Variants in SNTG1 observed in about 807,000 individuals in gnomAD.
SNTG1 encodes the protein gamma-1-syntrophin.
Under a neutral mutation model 74.7 loss-of-function variants are expected in SNTG1, and 39 were observed. That is an observed-to-expected ratio of 0.52 (90% CI 0.40 to 0.68). SNTG1 has a LOEUF of 0.68. Among genes scored for constraint, SNTG1 ranks in the 30% least tolerant of loss-of-function variants. The probability of loss-of-function intolerance (pLI) is 0.00; values close to 1 mark genes in which losing one functional copy is unlikely to be tolerated. For synonymous variants in SNTG1, 254 were observed against 217.1 expected, an observed-to-expected ratio of 1.17 and a Z score of -1.49; for missense variants, 685 against 609.5, an observed-to-expected ratio of 1.12 and a Z score of -1.30.
chr8:50,397,043 T>G (rs1345964219), intron 3 of SNTG1, among the ~76,000 whole-genome samples: 1 of 152,212 alleles, frequency 6.6e-6, no homozygotes, highest in Admixed American at 6.5e-5. Flanking sequence ...TTTAAGCAAA[T>G]AGTCTCCAAT....
intron 8 of SNTG1, among the ~76,000 whole-genome samples, chr8:50,457,431 A>C (rs1376553899): frequency 6.6e-6 from 1 of 152,228 alleles, no homozygotes; most frequent in Non-Finnish European, 1.5e-5. Context: ...CTCTATCAAA[A>C]GACAATTTTA....
intron 1 of SNTG1, among the ~76,000 whole-genome samples, chr8:50,120,057 T>C (rs1413933940): frequency 7.0e-6 from 1 of 141,964 alleles, no homozygotes; most frequent in East Asian, 2.0e-4. Flanking sequence ...GAGTTAAAAA[T>C]GTAGCTTTGC....
At chr8:49,969,675 G>C (rs1326362853) in intron 1 of SNTG1, among the ~76,000 whole-genome samples, 3 of 151,952 alleles carry the variant, frequency 2.0e-5, no homozygotes, top group African/African-American at 7.3e-5. Flanking sequence ...CAGATTACAG[G>C]AGTGAGTCAC....
chr8:50,704,833 G>C, intron 16 of SNTG1, 81 bp downstream of exon 16: 1 of 1,489,384 alleles, frequency 6.7e-7, no homozygotes, highest in Non-Finnish European at 9.1e-7. Context: ...TCATTCCAAA[G>C]TAGTGTAAAA....
At chr8:50,144,630 A>G (rs2081791570) in intron 1 of SNTG1, among the ~76,000 whole-genome samples, 1 of 152,158 alleles carries the variant, frequency 6.6e-6, no homozygotes, top group African/African-American at 2.4e-5. Context: ...AAGCTTCTTC[A>G]GGAATGGGGA....
chr8:50,045,288 T>A (rs1020368216), intron 1 of SNTG1, among the ~76,000 whole-genome samples: 3 of 152,196 alleles, frequency 2.0e-5, no homozygotes, highest in African/African-American at 4.8e-5. Flanking sequence ...GGCTCCAGCA[T>A]CTGCTTCTAG....
intron 1 of SNTG1, among the ~76,000 whole-genome samples, chr8:50,160,711 T>C (rs1266746334): frequency 6.6e-6 from 1 of 152,212 alleles, no homozygotes; most frequent in Non-Finnish European, 1.5e-5. Flanking sequence ...TGCCTTATAA[T>C]GTATCCTATG....
At chr8:50,626,242 T>A (rs1206354253) in intron 13 of SNTG1, among the ~76,000 whole-genome samples, 1 of 152,150 alleles carries the variant, frequency 6.6e-6, no homozygotes, top group Non-Finnish European at 1.5e-5. Flanking sequence ...TTCAAAAGGA[T>A]GATGAGAATA....
At chr8:50,169,852 G>C (rs575849923) in intron 1 of SNTG1, among the ~76,000 whole-genome samples, 136 of 152,242 alleles carry the variant, frequency 8.9e-4, no homozygotes, top group Admixed American at 1.6e-3. Context: ...AAGGCAGGAG[G>C]ATCACTGGAG....
At chr8:50,107,115 C>A (rs893284375) in intron 1 of SNTG1, among the ~76,000 whole-genome samples, 2 of 152,166 alleles carry the variant, frequency 1.3e-5, no homozygotes, top group Admixed American at 6.6e-5. Context: ...ATTTTATTCT[C>A]AAGGAAGGGA....
intron 2 of SNTG1, among the ~76,000 whole-genome samples, chr8:50,253,487 C>T (rs2086735665): frequency 6.6e-6 from 1 of 151,628 alleles, no homozygotes; most frequent in African/African-American, 2.4e-5. Flanking sequence ...GGGTATAAAT[C>T]CAAGGGAAAT....
At chr8:50,610,692 A>C (rs937915841) in intron 13 of SNTG1, among the ~76,000 whole-genome samples, 1 of 152,166 alleles carries the variant, frequency 6.6e-6, no homozygotes, top group African/African-American at 2.4e-5. Context: ...GTTTCGTGTC[A>C]TGTTCATGTG....
chr8:49,951,321 G>C (rs1776271066), intron 1 of SNTG1, among the ~76,000 whole-genome samples: 1 of 152,184 alleles, frequency 6.6e-6, no homozygotes, highest in Non-Finnish European at 1.5e-5. Flanking sequence ...ACAATGCCTA[G>C]TGGCATTTGG....
At chr8:50,290,785 G>T (rs2089054908) in intron 2 of SNTG1, among the ~76,000 whole-genome samples, 1 of 151,926 alleles carries the variant, frequency 6.6e-6, no homozygotes, top group Non-Finnish European at 1.5e-5. Context: ...TTGAGACAGG[G>T]TCTCTGTTTG....
At chr8:50,061,983 A>G (rs985505919) in intron 1 of SNTG1, among the ~76,000 whole-genome samples, 11 of 152,086 alleles carry the variant, frequency 7.2e-5, no homozygotes, top group African/African-American at 2.7e-4. Flanking sequence ...CATCTTCCAT[A>G]TCCTTGCTGA....
chr8:50,000,130 A>G (rs993190774), intron 1 of SNTG1, among the ~76,000 whole-genome samples: 6 of 152,114 alleles, frequency 3.9e-5, no homozygotes, highest in African/African-American at 1.4e-4. Context: ...ACCGTGCCAC[A>G]CTGGTCCAGA....
chr8:50,032,395 T>G (rs1354749150), intron 1 of SNTG1, among the ~76,000 whole-genome samples: 1 of 152,126 alleles, frequency 6.6e-6, no homozygotes, highest in Non-Finnish European at 1.5e-5. Flanking sequence ...AGTTTGAAAT[T>G]TTTCTTTTTC....
chr8:49,993,065 T>G (rs1191351294), intron 1 of SNTG1, among the ~76,000 whole-genome samples: 1 of 152,148 alleles, frequency 6.6e-6, no homozygotes, highest in African/African-American at 2.4e-5. Flanking sequence ...AGTCATTGCA[T>G]GCATGCTTAT....
chr8:50,748,834 T>A (rs2095560895), intron 17 of SNTG1, among the ~76,000 whole-genome samples: 1 of 152,018 alleles, frequency 6.6e-6, no homozygotes, highest in Non-Finnish European at 1.5e-5. Flanking sequence ...AAGATGTGTG[T>A]TCTGACTGCT....
Sources: gnomAD v4.1 joint callset for allele counts (sites outside exome capture counted in the v4.1 genomes callset) on GRCh38, gnomAD v4.1.1 for gene constraint, MANE v1.5 for transcripts, NCBI Gene and HGNC (gene_info 2026-07-23, HGNC 2026-07-21) for gene names.